LINGO2: variants seen among roughly 807,000 people sequenced by gnomAD.
LINGO2 encodes leucine-rich repeat and immunoglobulin-like domain-containing nogo receptor-interacting protein 2.
Under a neutral mutation model 30.6 loss-of-function variants are expected in LINGO2, and 14 were observed. The observed-to-expected ratio is 0.46, with a 90% confidence interval of 0.30 to 0.72. The LOEUF is 0.72. LINGO2 is among the 30% of genes least tolerant of loss of function. LINGO2 has a pLI of 0.07. For missense variants in LINGO2, 729 were observed against 751.7 expected (o/e 0.97, Z 0.35); for synonymous variants, 317 against 288.5 (o/e 1.10, Z -1.00).
chr9:28,703,191 G>A, the LINGO2 span, among the ~76,000 whole-genome samples: 12 of 150,612 alleles, frequency 8.0e-5, no homozygotes, highest in South Asian at 8.4e-4. Flanking sequence ...TTTTTATAAC[G>A]TTCTAAGGTG....
At chr9:28,069,487 T>C (rs1359187512) in intron 4 of LINGO2, among the ~76,000 whole-genome samples, 1 of 152,142 alleles carries the variant, frequency 6.6e-6, no homozygotes, top group Non-Finnish European at 1.5e-5. Context: ...GTAGAGAAAC[T>C]ATTTCAACTA....
At chr9:29,141,797 G>A in the LINGO2 span, among the ~76,000 whole-genome samples, 10 of 151,660 alleles carry the variant, frequency 6.6e-5, no homozygotes, top group Admixed American at 5.3e-4. Flanking sequence ...AAACTGTCAC[G>A]GGAAACAAAT....
chr9:29,057,755 C>G, the LINGO2 span, among the ~76,000 whole-genome samples: 4 of 152,184 alleles, frequency 2.6e-5, no homozygotes, highest in Admixed American at 1.3e-4. Context: ...GGATCGAAAG[C>G]AACTACCACA....
intron 5 of LINGO2, among the ~76,000 whole-genome samples, chr9:27,974,168 G>A (rs1329347791): frequency 6.6e-6 from 1 of 152,150 alleles, no homozygotes; most frequent in African/African-American, 2.4e-5. Context: ...ACTGTGACAA[G>A]AGAGGTGGCT....
chr9:27,973,960 A>T, intron 5 of LINGO2, among the ~76,000 whole-genome samples: 1 of 152,202 alleles, frequency 6.6e-6, no homozygotes, highest in East Asian at 1.9e-4. Flanking sequence ...TATATTGATT[A>T]ACTCCACCCT....
the LINGO2 span, among the ~76,000 whole-genome samples, chr9:28,795,286 C>T: frequency 6.6e-6 from 1 of 152,098 alleles, no homozygotes; most frequent in African/African-American, 2.4e-5. Context: ...TAATTGGATT[C>T]AGTTGAATTA....
intron 4 of LINGO2, among the ~76,000 whole-genome samples, chr9:28,184,370 A>T (rs1430022896): frequency 1.3e-5 from 2 of 152,188 alleles, no homozygotes; most frequent in Non-Finnish European, 2.9e-5. Flanking sequence ...TATGAGGCAC[A>T]TCTGGTCTAA....
intron 4 of LINGO2, among the ~76,000 whole-genome samples, chr9:28,292,180 G>C (rs551991892): frequency 6.6e-6 from 1 of 152,292 alleles, no homozygotes; most frequent in East Asian, 1.9e-4. Flanking sequence ...GGACAGCAGA[G>C]TGTGATCGGG....
chr9:29,162,379 T>C, the LINGO2 span, among the ~76,000 whole-genome samples: 1 of 152,236 alleles, frequency 6.6e-6, no homozygotes, highest in East Asian at 1.9e-4. Flanking sequence ...AATTCATGTT[T>C]GAATATATCA....
the LINGO2 span, among the ~76,000 whole-genome samples, chr9:28,678,925 A>C: frequency 1.4e-3 from 211 of 152,256 alleles, 1 homozygote; most frequent in Non-Finnish European, 2.5e-3. Context: ...CTATAAATAC[A>C]TAGAATAAAT....
chr9:28,673,472 G>C (rs1253574366), upstream of LINGO2, among the ~76,000 whole-genome samples: 1 of 152,060 alleles, frequency 6.6e-6, no homozygotes, highest in Non-Finnish European at 1.5e-5. Context: ...TTTGAGACCA[G>C]CCTGGCCAAC....
At position 28,433,966 on chromosome 9, in the gene LINGO2, T is replaced by TATATATATAC. The variant is rs752778212; in HGVS notation, c.-279+41973_-279+41974insGTATATATAT. 8.9e-3 allele frequency among the ~76,000 whole-genome samples: 884 copies of TATATATATAC among 99,534 alleles called. 61 individuals carry two copies. Among genetic ancestry groups the TATATATATAC allele is most frequent in the Middle Eastern group, 0.021 (4 of 190 alleles). 65.3% of individuals were successfully genotyped at this position (99,534 alleles called of 152,430 possible). Reference sequence around the variant, plus strand: ...CTCTCTCTCTATATATATATATATATACACACACACACATGAAAATACTAC... The same window carrying TATATATATAC: ...CTCTCTCTCTATATATATATATATATATATATATACACACACACACACATGAAAATACTAC... On this transcript the variant is annotated intron_variant, in intron 2 of 5. Coordinates refer to ENST00000379992, the Ensembl canonical transcript of LINGO2.
the LINGO2 span, among the ~76,000 whole-genome samples, chr9:28,767,719 G>C: frequency 1.4e-5 from 2 of 147,528 alleles, no homozygotes; most frequent in South Asian, 2.2e-4. Context: ...CTGGGAGGCG[G>C]AGCTTGCAGT....
chr9:28,286,612 C>T (rs887869242), intron 4 of LINGO2, among the ~76,000 whole-genome samples: 4 of 152,072 alleles, frequency 2.6e-5, no homozygotes, highest in Admixed American at 6.6e-5. Flanking sequence ...GTATATACCA[C>T]GGAATACTAT....
Position 27,966,355 on chromosome 9 carries a change from A to G in LINGO2, c.-35-15649T>C, listed in dbSNP as rs573587354. Among the ~76,000 whole-genome samples the G allele has an allele frequency of 3.1e-4, 47 of 152,260 alleles. No individual in the cohort carries two copies. In the South Asian group the frequency reaches 9.7e-3, roughly 32 times the overall value. On this transcript the variant is annotated intron_variant, in intron 5 of 5. Transcript: ENST00000379992. ...ACAGTTAGGACAAGCTATGAAATAC[A>G]TGCCTCAATATACACCACGGAATAC...
At chr9:28,513,422 T>C (rs1228448974) in intron 1 of LINGO2, among the ~76,000 whole-genome samples, 1 of 152,214 alleles carries the variant, frequency 6.6e-6, no homozygotes, top group African/African-American at 2.4e-5. Flanking sequence ...AGGATATAAT[T>C]TTTTAGGGTA....
chr9:28,245,980 A>G (rs1298357947), intron 4 of LINGO2, among the ~76,000 whole-genome samples: 1 of 152,204 alleles, frequency 6.6e-6, no homozygotes, highest in Non-Finnish European at 1.5e-5. Context: ...TAGAACCCAT[A>G]TAGCCAAGAC....
chr9:28,769,518 ATTTTTTTTTTTTTTTT>A, the LINGO2 span, among the ~76,000 whole-genome samples: 40 of 4,078 alleles, frequency 9.8e-3, 2 homozygotes, highest in Admixed American at 0.015. Flanking sequence ...ATATATATAT[ATTTTTTTTTTTTTTTT>A]TTTTTTTTTT....
At chr9:29,196,917 T>C in the LINGO2 span, among the ~76,000 whole-genome samples, 31 of 152,176 alleles carry the variant, frequency 2.0e-4, no homozygotes, top group Non-Finnish European at 4.1e-4. Context: ...CCAGGTTAGA[T>C]AACTCACTCT....
Sources: allele counts gnomAD v4.1 joint callset (sites outside exome capture counted in the v4.1 genomes callset), GRCh38; gene constraint gnomAD v4.1.1; transcripts MANE v1.5; gene names NCBI Gene and HGNC (gene_info 2026-07-23, HGNC 2026-07-21).